Variants in FOXP2 observed in about 807,000 individuals in gnomAD.
FOXP2 encodes the protein forkhead box protein P2.
FOXP2 carries 12 observed loss-of-function variants against 115.8 expected under a neutral mutation model. The ratio of observed to expected loss-of-function variants is 0.10; its 90% CI spans 0.07 to 0.17. The LOEUF (loss-of-function observed/expected upper bound fraction) is 0.17. Among genes scored for constraint, FOXP2 ranks in the 10% least tolerant of loss-of-function variants. The pLI, the probability that FOXP2 is intolerant of heterozygous loss-of-function variation, is 1.00. For missense variants in FOXP2, 629 were observed against 843.5 expected (o/e 0.75, Z 3.15); for synonymous variants, 328 against 297.7 (o/e 1.10, Z -1.05).
intron 1 of FOXP2, among the ~76,000 whole-genome samples, chr7:114,186,848 C>G (rs988927347): frequency 6.6e-6 from 1 of 152,084 alleles, no homozygotes; most frequent in Non-Finnish European, 1.5e-5. Context: ...GAGTGGTGAC[C>G]CAAGCTGTGA....
chr7:114,225,835 G>A (rs942881025), intron 1 of FOXP2, among the ~76,000 whole-genome samples: 2 of 152,036 alleles, frequency 1.3e-5, no homozygotes, highest in African/African-American at 4.8e-5. Flanking sequence ...CCACTAAGTT[G>A]TTCTTCCACC....
intron 2 of FOXP2, chr7:114,499,835 A>G (rs1797485898): frequency 6.6e-6 from 1 of 152,210 alleles, no homozygotes; most frequent in South Asian, 2.1e-4. Context: ...TTATGTGCCT[A>G]TAGAAGATGC....
intron 13 of FOXP2, chr7:114,661,644 C>T: frequency 4.4e-6 from 1 of 228,814 alleles, no homozygotes; most frequent in South Asian, 6.1e-5. Context: ...AAAATTAACA[C>T]TTGTCACTGT....
chr7:114,422,483 TA>T (rs1262386266), intron 1 of FOXP2, among the ~76,000 whole-genome samples: 1 of 151,772 alleles, frequency 6.6e-6, no homozygotes, highest in Non-Finnish European at 1.5e-5. Context: ...ATCTTCTTTA[TA>T]ATCCCTGACA....
intron 2 of FOXP2, among the ~76,000 whole-genome samples, chr7:114,487,960 A>G (rs1367165458): frequency 6.6e-6 from 1 of 152,136 alleles, no homozygotes; most frequent in East Asian, 1.9e-4. Context: ...TTTCAGGTAT[A>G]TTTACAACAG....
At chr7:114,374,779 G>A (rs549929177) in intron 2 of FOXP2, among the ~76,000 whole-genome samples, 2 of 152,316 alleles carry the variant, frequency 1.3e-5, no homozygotes, top group South Asian at 4.1e-4. Context: ...AGCGCACAGT[G>A]AGTGGCCTGT....
intron 1 of FOXP2, chr7:114,416,452 T>C (rs1341925231): frequency 6.6e-6 from 1 of 151,088 alleles, no homozygotes; most frequent in African/African-American, 2.4e-5. Flanking sequence ...ATTTCATCCA[T>C]GTATTTTCAC....
intron 1 of FOXP2, among the ~76,000 whole-genome samples, chr7:114,181,630 A>G (rs1793459359): frequency 6.6e-6 from 1 of 152,088 alleles, no homozygotes; most frequent in Non-Finnish European, 1.5e-5. Context: ...TCCAGTTACT[A>G]AGTGATACAG....
intron 1 of FOXP2, among the ~76,000 whole-genome samples, chr7:114,102,694 C>CA (rs1791011921): frequency 1.2e-5 from 1 of 80,754 alleles, no homozygotes; most frequent in African/African-American, 4.6e-5. Flanking sequence ...AAACACCACA[C>CA]ACCACACACA....
chr7:114,200,895 C>G (rs1168758949), intron 1 of FOXP2, among the ~76,000 whole-genome samples: 1 of 152,200 alleles, frequency 6.6e-6, no homozygotes, highest in African/African-American at 2.4e-5. Context: ...TGGCTCACGC[C>G]CGTAATCCCA....
At chr7:114,122,625 CTG>C (rs1411101157) in intron 1 of FOXP2, among the ~76,000 whole-genome samples, 6 of 151,702 alleles carry the variant, frequency 4.0e-5, no homozygotes, top group African/African-American at 1.5e-4. Flanking sequence ...TCTCTGTGGG[CTG>C]TCAGGTATTG....
chr7:114,406,511 T>A (rs748023120), intron 2 of FOXP2, among the ~76,000 whole-genome samples: 11 of 151,974 alleles, frequency 7.2e-5, no homozygotes, highest in Admixed American at 5.2e-4. Flanking sequence ...TTTTCAGATA[T>A]CCATTATACA....
At chr7:114,333,840 A>G (rs1797774093) in intron 2 of FOXP2, among the ~76,000 whole-genome samples, 1 of 151,948 alleles carries the variant, frequency 6.6e-6, no homozygotes, top group East Asian at 1.9e-4. Flanking sequence ...TTGAGCCAAG[A>G]TCACACCACT....
upstream of FOXP2, among the ~76,000 whole-genome samples, chr7:114,409,837 G>T (rs73208651): frequency 0.023 from 3,560 of 152,036 alleles, 65 homozygotes; most frequent in Non-Finnish European, 0.035. Flanking sequence ...TAACCATCTT[G>T]ATACTCCCTG....
At chr7:114,391,057 G>A (rs1017213765) in intron 2 of FOXP2, among the ~76,000 whole-genome samples, 2 of 152,006 alleles carry the variant, frequency 1.3e-5, no homozygotes, top group Non-Finnish European at 2.9e-5. Context: ...CGTGGTGGCA[G>A]GTGCCTGTAT....
chr7:114,601,933 C>A (rs1192859240), intron 3 of FOXP2, among the ~76,000 whole-genome samples: 2 of 151,916 alleles, frequency 1.3e-5, no homozygotes, highest in Non-Finnish European at 2.9e-5. Flanking sequence ...TCATTTTATA[C>A]AGCACTTTAT....
intron 2 of FOXP2, among the ~76,000 whole-genome samples, chr7:114,361,440 C>T (rs1370448893): frequency 6.6e-6 from 1 of 151,890 alleles, no homozygotes; most frequent in African/African-American, 2.4e-5. Flanking sequence ...AAAGACAATC[C>T]TAGCTATAGT....
At chr7:114,298,075 G>A (rs1441945746) in intron 2 of FOXP2, among the ~76,000 whole-genome samples, 2 of 152,146 alleles carry the variant, frequency 1.3e-5, no homozygotes, top group African/African-American at 2.4e-5. Flanking sequence ...GGTTTTGAGT[G>A]TGAACTTGCC....
At chr7:114,310,005 G>A (rs745593581) in intron 2 of FOXP2, among the ~76,000 whole-genome samples, 4 of 151,970 alleles carry the variant, frequency 2.6e-5, no homozygotes, top group Non-Finnish European at 4.4e-5. Context: ...TTTCTGAGTG[G>A]TAGACCAAAC....
Sources: gnomAD v4.1 joint callset for allele counts (sites outside exome capture counted in the v4.1 genomes callset) on GRCh38, gnomAD v4.1.1 for gene constraint, MANE v1.5 for transcripts, NCBI Gene and HGNC (gene_info 2026-07-23, HGNC 2026-07-21) for gene names.